The following ABLIM1 variants were observed in gnomAD, a reference collection of about 807,000 sequenced individuals.
The protein encoded by ABLIM1 is actin-binding LIM protein 1.
A neutral mutation model predicts 107.0 loss-of-function variants in ABLIM1; 40 were observed. The ratio of observed to expected loss-of-function variants is 0.37; its 90% confidence interval spans 0.29 to 0.49. ABLIM1 has a LOEUF of 0.49. Among genes scored for constraint, ABLIM1 ranks in the 20% least tolerant of loss-of-function variants. The pLI is 0.97. For missense variants in ABLIM1, 857 were observed against 1,008.5 expected (o/e 0.85, Z 2.04); for synonymous variants, 357 against 357.3 (o/e 1.00, Z 0.01).
At position 114,545,103 on chromosome 10, in the gene ABLIM1, A is replaced by G. The variant is rs1464847306; in HGVS notation, c.801-5T>C. On this transcript the variant is annotated splice_region_variant and splice_polypyrimidine_tract_variant and intron_variant, in intron 5 of 22. Coordinates refer to ENST00000533213, the MANE Select transcript of ABLIM1 (RefSeq NM_002313.7). ...TCACAGTACGGAGCACCATCCCTGC[A>G]AGACAAAAACGTGTTCGGCTCCTGA... 6.2e-7 allele frequency: 1 copy of G among 1,614,112 alleles called. No individual in the cohort carries two copies. The highest frequency in any genetic ancestry group is 1.7e-5 in the Admixed American group (1 of 60,018).
chr10:114,569,261 C>T (rs559104177), intron 4 of ABLIM1, among the ~76,000 whole-genome samples: 8 of 152,198 alleles, frequency 5.3e-5, no homozygotes, highest in African/African-American at 1.9e-4. Context: ...GTGTTCTCTG[C>T]TACAGCTATC....
intron 19 of ABLIM1, among the ~76,000 whole-genome samples, chr10:114,440,421 T>C (rs895396074): frequency 6.6e-6 from 1 of 152,160 alleles, no homozygotes; most frequent in Non-Finnish European, 1.5e-5. Context: ...GCAGGGGCCA[T>C]GTCTCACTTA....
At chr10:114,747,086 G>C (rs1304950488) in intron 1 of ABLIM1, among the ~76,000 whole-genome samples, 2 of 152,160 alleles carry the variant, frequency 1.3e-5, no homozygotes, top group Admixed American at 6.5e-5. Context: ...AGAAGGAAAA[G>C]TCTTCATAGC....
chr10:114,575,720 G>T, intron 2 of ABLIM1, 121 bp from the exon 3 acceptor site: 1 of 1,050,398 alleles, frequency 9.5e-7, no homozygotes, highest in Non-Finnish European at 1.4e-6. Flanking sequence ...CTAGGGAGGG[G>T]ATGGCTACAA....
In ABLIM1 at chr10:114,528,447, C is replaced by T. The variant is rs73357379; in HGVS notation, c.894+16558G>A. Among the ~76,000 whole-genome samples the T allele has an allele frequency of 7.3e-3, 1,119 of 152,296 alleles. 16 individuals are homozygous for T. The highest frequency in any genetic ancestry group is 0.025 in the African/African-American group (1,049 of 41,540). On this transcript the variant is annotated intron_variant, in intron 6 of 22. Transcript: ENST00000533213. The stretch of plus-strand genomic sequence containing the variant: ...AAATGTAAGGTTTTAGCAACAAAGC[C>T]GTGCTTCTAAAATGAAGAGGAGACT...
chr10:114,561,673 A>G (rs2069724318), intron 4 of ABLIM1, among the ~76,000 whole-genome samples: 1 of 152,232 alleles, frequency 6.6e-6, no homozygotes, highest in South Asian at 2.1e-4. Context: ...CTTAAACATT[A>G]AAATTAAACT....
At chr10:114,632,869 C>A in intron 1 of ABLIM1, 1 of 823,852 alleles carries the variant, frequency 1.2e-6, no homozygotes, top group Non-Finnish European at 1.5e-6. Context: ...TCAGCCTAAG[C>A]CTGACCCCAC....
chr10:114,787,353 G>A, the ABLIM1 span, among the ~76,000 whole-genome samples: 1 of 151,046 alleles, frequency 6.6e-6, no homozygotes, highest in African/African-American at 2.4e-5. Context: ...CACCCCGTCT[G>A]GGAAGTGAGG....
At chr10:114,667,403 A>G (rs2080070712) in intron 1 of ABLIM1, among the ~76,000 whole-genome samples, 1 of 152,132 alleles carries the variant, frequency 6.6e-6, no homozygotes, top group Non-Finnish European at 1.5e-5. Flanking sequence ...TCCTCTCCCT[A>G]TTATATTATT....
At chr10:114,734,716 T>G (rs1396142332) in intron 1 of ABLIM1, among the ~76,000 whole-genome samples, 1 of 152,138 alleles carries the variant, frequency 6.6e-6, no homozygotes, top group Non-Finnish European at 1.5e-5. Context: ...TCTGATAATT[T>G]TACATGGATT....
chr10:114,527,367 T>C (rs970748763), intron 6 of ABLIM1, among the ~76,000 whole-genome samples: 1 of 152,252 alleles, frequency 6.6e-6, no homozygotes, highest in Non-Finnish European at 1.5e-5. Flanking sequence ...AAACCTCTTA[T>C]CAAGCTTTCT....
intron 2 of ABLIM1, among the ~76,000 whole-genome samples, chr10:114,589,124 G>C (rs1048576627): frequency 1.3e-5 from 2 of 151,206 alleles, no homozygotes; most frequent in Non-Finnish European, 2.9e-5. Context: ...AAATTTTAAA[G>C]ATAGAGAAAA....
chr10:114,467,184 G>A (rs1008263953), intron 11 of ABLIM1, among the ~76,000 whole-genome samples: 6 of 152,006 alleles, frequency 3.9e-5, no homozygotes, highest in African/African-American at 7.2e-5. Context: ...TATGACATGC[G>A]AATTCAATGG....
chr10:114,431,166 G>A lies in ABLIM1; in HGVS notation c.*5094C>T, dbSNP rs2058811307. 6.6e-6 allele frequency: 1 copy of A among 152,266 alleles called. No individual in the cohort carries two copies. Among genetic ancestry groups the A allele is most frequent in the African/African-American group, 2.4e-5 (1 of 41,444 alleles). 9.4% of individuals were successfully genotyped at this position (152,266 alleles called of 1,614,324 possible). ...AAGTTGTGAGTATGACAGTGATGCA[G>A]AGTATATGACAAAGGAGTGCAGTGA... On this transcript the variant is annotated 3_prime_UTR_variant, in exon 23 of 23. Coordinates refer to ENST00000533213, the MANE Select transcript of ABLIM1 (RefSeq NM_002313.7).
At chr10:114,511,869 C>T (rs1271106350) in intron 6 of ABLIM1, among the ~76,000 whole-genome samples, 1 of 152,198 alleles carries the variant, frequency 6.6e-6, no homozygotes, top group Non-Finnish European at 1.5e-5. Flanking sequence ...GTTTAAAGAC[C>T]TCTCTTTCCT....
chr10:114,706,959 C>G (rs1179676609), intron 1 of ABLIM1, among the ~76,000 whole-genome samples: 1 of 152,070 alleles, frequency 6.6e-6, no homozygotes, highest in African/African-American at 2.4e-5. Flanking sequence ...CACTTTCAGG[C>G]ATACAGAATG....
At chr10:114,449,362 G>T (rs1019255108) in intron 14 of ABLIM1, among the ~76,000 whole-genome samples, 1 of 152,162 alleles carries the variant, frequency 6.6e-6, no homozygotes, top group African/African-American at 2.4e-5. Context: ...TGAATCTTCA[G>T]CTCTAAGTCC....
intron 1 of ABLIM1, among the ~76,000 whole-genome samples, chr10:114,751,781 C>T (rs1002747820): frequency 6.6e-6 from 1 of 150,502 alleles, no homozygotes; most frequent in Non-Finnish European, 1.5e-5. Flanking sequence ...AAAAAAAAGG[C>T]GTACAACAAA....
intron 1 of ABLIM1, among the ~76,000 whole-genome samples, chr10:114,711,748 G>C (rs1233968874): frequency 6.6e-6 from 1 of 152,030 alleles, no homozygotes; most frequent in Non-Finnish European, 1.5e-5. Flanking sequence ...GAGAGGGAGG[G>C]GGGCTTGTCA....
Sources: gnomAD v4.1 joint callset for allele counts (sites outside exome capture counted in the v4.1 genomes callset) on GRCh38, gnomAD v4.1.1 for gene constraint, MANE v1.5 for transcripts, NCBI Gene and HGNC (gene_info 2026-07-23, HGNC 2026-07-21) for gene names.